Variants in VPS53 observed in about 807,000 individuals in gnomAD.
The protein encoded by VPS53 is vacuolar protein sorting-associated protein 53 homolog.
Under a neutral mutation model 107.0 loss-of-function variants are expected in VPS53, and 70 were observed. The ratio of observed to expected loss-of-function variants is 0.65; its 90% confidence interval spans 0.54 to 0.80. VPS53 has a LOEUF of 0.80. VPS53 is among the 30% of genes least tolerant of loss of function. The pLI, the probability that VPS53 is intolerant of heterozygous loss-of-function variation, is 0.00. For missense variants in VPS53, 917 were observed against 1,049.4 expected (o/e 0.87, Z 1.74); for synonymous variants, 409 against 393.3 (o/e 1.04, Z -0.47).
intron 13 of VPS53, among the ~76,000 whole-genome samples, chr17:577,496 G>A (rs1015375688): frequency 4.0e-5 from 6 of 149,024 alleles, no homozygotes; most frequent in African/African-American, 7.5e-5. Flanking sequence ...GACCTAATGC[G>A]GTCCCAGAGA....
At chr17:649,658 T>C (rs377750730) in intron 7 of VPS53, among the ~76,000 whole-genome samples, 101 of 148,392 alleles carry the variant, frequency 6.8e-4, no homozygotes, top group Non-Finnish European at 9.7e-4. Flanking sequence ...GACAGAGAAA[T>C]GGAACAGGCA....
At chr17:615,377 G>T (rs1409089999) in intron 11 of VPS53, among the ~76,000 whole-genome samples, 3 of 152,360 alleles carry the variant, frequency 2.0e-5, no homozygotes, top group Middle Eastern at 3.4e-3. Context: ...TGATGGGTCA[G>T]GAGGAGCTGA....
intron 15 of VPS53, among the ~76,000 whole-genome samples, chr17:554,068 C>T (rs1000363678): frequency 3.5e-4 from 53 of 152,118 alleles, no homozygotes; most frequent in African/African-American, 1.1e-3. Flanking sequence ...TCTGAAAAGA[C>T]GCTGATTTTA....
intron 18 of VPS53, among the ~76,000 whole-genome samples, chr17:536,231 G>A (rs1910049265): frequency 6.6e-6 from 1 of 152,116 alleles, no homozygotes; most frequent in South Asian, 2.1e-4. Flanking sequence ...GGAGCTCCCT[G>A]GCTTGTGCAT....
intron 5 of VPS53, among the ~76,000 whole-genome samples, chr17:660,994 C>G (rs78488502): frequency 1.3e-5 from 2 of 151,910 alleles, no homozygotes; most frequent in African/African-American, 4.8e-5. Flanking sequence ...AGCACAACAC[C>G]GGGGGACACA....
rs918657013 is a variant in VPS53, at chr17:519,162, C to T, written c.2465G>A (p.Arg822His). Residue 822 changes from arginine to histidine, a missense_variant, in exon 22 of 22, where the codon CGC (arginine) becomes CAC (histidine). Coordinates refer to ENST00000437048, the MANE Select transcript of VPS53 (RefSeq NM_001128159.3). The surrounding 1 kb of genome is among the most constrained non-coding windows in gnomAD (Gnocchi z 5.0). The stretch of plus-strand genomic sequence containing the variant: ...CTTTTTAATGAGTTTCTCGAGCTTG[C>T]GGATGCGTGACGACTCTTGCTCTGG... ...PTPEQESSRIRKLEKLIKKRL is the reference protein window; with the variant it reads ...PTPEQESSRIHKLEKLIKKRL 21 of 1,541,594 alleles carry T rather than the reference C, an allele frequency of 1.4e-5. No individual in the cohort carries two copies. Among genetic ancestry groups the T allele is most frequent in the Non-Finnish European group, 1.6e-5 (18 of 1,142,946 alleles).
chr17:649,757 A>G (rs1970863850), intron 7 of VPS53, among the ~76,000 whole-genome samples: 1 of 152,264 alleles, frequency 6.6e-6, no homozygotes, highest in African/African-American at 2.4e-5. Context: ...GGCACTGAAG[A>G]TTGTACACTG....
intron 11 of VPS53, among the ~76,000 whole-genome samples, chr17:612,003 T>C (rs1420208303): frequency 6.6e-6 from 1 of 150,436 alleles, no homozygotes; most frequent in Admixed American, 6.6e-5. Flanking sequence ...AGTATTCAAA[T>C]AGTGAATTCA....
In VPS53 at chr17:586,376, A is replaced by G. The variant is rs780352358; in HGVS notation, c.1219-12T>C. On this transcript the variant is annotated splice_polypyrimidine_tract_variant and intron_variant, in intron 12 of 21. Coordinates refer to ENST00000437048, the MANE Select transcript of VPS53 (RefSeq NM_001128159.3). ...TTAGGCTTCTTTGGCTGTAAAAACA[A>G]AGAAAAATAAACCCCATACTTGAGT... The G allele has an allele frequency of 6.8e-6, 11 of 1,612,456 alleles. No individual in the cohort carries two copies. In the African/African-American group the frequency reaches 1.3e-4, roughly 20 times the overall value.
At chr17:551,744 G>A in intron 17 of VPS53, 128 bp downstream of exon 17, 3 of 719,972 alleles carry the variant, frequency 4.2e-6, no homozygotes, top group Non-Finnish European at 6.2e-6. Context: ...GAACTCCGGG[G>A]CCTCTCCATT....
chr17:556,359 T>C (rs1300778912), intron 15 of VPS53, among the ~76,000 whole-genome samples: 1 of 152,234 alleles, frequency 6.6e-6, no homozygotes, highest in Non-Finnish European at 1.5e-5. Flanking sequence ...TATTGGTTCA[T>C]TAATTGTAAC....
intron 4 of VPS53, among the ~76,000 whole-genome samples, chr17:671,518 T>A (rs1468471534): frequency 2.6e-5 from 4 of 152,130 alleles, no homozygotes; most frequent in African/African-American, 7.2e-5. Context: ...AGTAGTTTCA[T>A]AATTTCCAGA....
chr17:570,816 T>G (rs763152074), intron 13 of VPS53, among the ~76,000 whole-genome samples: 12 of 152,184 alleles, frequency 7.9e-5, no homozygotes, highest in Non-Finnish European at 1.8e-4. Flanking sequence ...GCAGTAATAC[T>G]GTATCACTGT....
At chr17:624,934 GCCCTCCCTCCCT>G (rs548899843) in intron 10 of VPS53, among the ~76,000 whole-genome samples, 1 of 135,312 alleles carries the variant, frequency 7.4e-6, no homozygotes, top group Non-Finnish European at 1.6e-5. Context: ...CCTTCCACTC[GCCCTCCCTCCCT>G]CCCTCCCTCC....
chr17:565,100 G>GCCA, intron 13 of VPS53, among the ~76,000 whole-genome samples: 1 of 152,152 alleles, frequency 6.6e-6, no homozygotes, highest in African/African-American at 2.4e-5. Flanking sequence ...AAAGGCTTTT[G>GCCA]TTATTGAAAG....
rs529242599 is a variant in VPS53 at position 598,015 on chromosome 17, A to G, written c.1218+3780T>C. ...CCTCTCTTTCCACGGTCTCCCTCTC[A>G]TGCTGAGCCGAAGCTGGACTGTACT... On this transcript the variant is annotated intron_variant, in intron 12 of 21. Coordinates refer to ENST00000437048, the MANE Select transcript of VPS53 (RefSeq NM_001128159.3). 1.3e-4 allele frequency among the ~76,000 whole-genome samples: 4 copies of G among 30,088 alleles called. No individual in the cohort carries two copies. In the East Asian group the frequency reaches 3.7e-3, roughly 28 times the overall value. The allele number at this position is 30,088 out of a possible 152,430, so 19.7% of individuals were successfully genotyped here.
intron 13 of VPS53, among the ~76,000 whole-genome samples, chr17:574,230 C>G (rs1414262807): frequency 6.6e-6 from 1 of 152,262 alleles, no homozygotes; most frequent in Non-Finnish European, 1.5e-5. Context: ...CGGAAACTTC[C>G]TAGTGAGGCC....
intron 4 of VPS53, among the ~76,000 whole-genome samples, chr17:687,278 T>C (rs1476302671): frequency 9.3e-6 from 1 of 107,954 alleles, no homozygotes; most frequent in Non-Finnish European, 2.1e-5. Context: ...ACAGCAAGAC[T>C]CCAGCTCAAA....
chr17:564,453 T>C (rs1913302505), intron 13 of VPS53, among the ~76,000 whole-genome samples: 1 of 146,860 alleles, frequency 6.8e-6, no homozygotes, highest in African/African-American at 2.5e-5. Context: ...GGCAGGAGAA[T>C]GGCATGAACC....
Sources: gnomAD v4.1 joint callset for allele counts (sites outside exome capture counted in the v4.1 genomes callset) on GRCh38, gnomAD v4.1.1 for gene constraint, Gnocchi (gnomAD v3.1) non-coding constraint, MANE v1.5 for transcripts, NCBI Gene and HGNC (gene_info 2026-07-23, HGNC 2026-07-21) for gene names.